Variants in IRAG1 observed in about 807,000 individuals in gnomAD.
IRAG1 encodes IP3R-associated cGMP kinase substrate.
Under a neutral mutation model 106.2 loss-of-function variants are expected in IRAG1, and 62 were observed. The observed-to-expected ratio is 0.58, with a 90% confidence interval of 0.48 to 0.72. The LOEUF is 0.72. Among genes scored for constraint, IRAG1 ranks in the 30% least tolerant of loss-of-function variants. The pLI is 0.00. For synonymous variants in IRAG1, 462 were observed against 443.9 expected (o/e 1.04, Z -0.51); for missense variants, 1,064 against 1,140.7 (o/e 0.93, Z 0.97).
At position 10,623,779 on chromosome 11, in the gene IRAG1, T is replaced by G; in HGVS notation, c.1446A>C (p.Lys482Asn). The G allele has an allele frequency of 1.2e-6, 2 of 1,612,818 alleles. No individual in the cohort carries two copies. Among genetic ancestry groups the G allele is most frequent in the Non-Finnish European group, 1.7e-6 (2 of 1,178,938 alleles). Reference protein sequence around the residue: ...PDLSEAAEQEKGLPSELSPAI... With the variant: ...PDLSEAAEQENGLPSELSPAI... ...AGCATCTGCCCCAACCCCACCTACCTTTTTCCTGCTCAGCTGCTTCACTAA... is the reference window on the plus strand; with the variant it reads ...AGCATCTGCCCCAACCCCACCTACCGTTTTCCTGCTCAGCTGCTTCACTAA... Residue 482 changes from lysine to asparagine, a missense_variant and splice_region_variant, in exon 10 of 21, where the codon AAA becomes AAC. Physicochemically the swap from Lys to Asn is moderately conservative, Grantham distance 94. Coordinates refer to ENST00000423302, the MANE Select transcript of IRAG1 (RefSeq NM_130385.4).
chr11:10,591,736 C>A, intron 17 of IRAG1, 124 bp from the exon 18 acceptor site: 2 of 853,838 alleles, frequency 2.3e-6, no homozygotes, highest in Non-Finnish European at 3.8e-6. Context: ...CATGCCCCCA[C>A]TTTCCAATCT....
intron 18 of IRAG1, among the ~76,000 whole-genome samples, chr11:10,588,012 T>C (rs1852213062): frequency 6.6e-6 from 1 of 152,206 alleles, no homozygotes; most frequent in Non-Finnish European, 1.5e-5. Flanking sequence ...TTAACTGAGA[T>C]TATTAATACA....
In IRAG1 at chr11:10,660,637, C is replaced by T. The variant is rs139437074; in HGVS notation, c.68-8455G>A. Among the ~76,000 whole-genome samples, 303 of 152,304 alleles carry T rather than the reference C, an allele frequency of 2.0e-3. 2 individuals carry two copies. The highest frequency in any genetic ancestry group is 6.9e-3 in the African/African-American group (287 of 41,550). ...AACACAGATGACTTTAGTATCACCC[C>T]AAGATAGCACAGTTATGGAGACTTC... On this transcript the variant is annotated intron_variant, in intron 1 of 20. Transcript: ENST00000423302.
chr11:10,654,204 C>T (rs1858743750), intron 1 of IRAG1, among the ~76,000 whole-genome samples: 1 of 150,732 alleles, frequency 6.6e-6, no homozygotes, highest in South Asian at 2.1e-4. Flanking sequence ...GGAGAAAAGG[C>T]CTGAGCTGCC....
chr11:10,646,156 T>C (rs749519593), intron 2 of IRAG1, among the ~76,000 whole-genome samples: 16 of 152,176 alleles, frequency 1.1e-4, no homozygotes, highest in Non-Finnish European at 2.4e-4. Context: ...CCTCCTCTTC[T>C]TAAAGGACAG....
At position 10,659,355 on chromosome 11, in the gene IRAG1, G is replaced by A. The variant is rs1859218458; in HGVS notation, c.68-7173C>T. On this transcript the variant is annotated intron_variant, in intron 1 of 20. Transcript: ENST00000423302. The surrounding 1 kb of genome is among the most constrained non-coding windows in gnomAD (Gnocchi z 4.1). ...GTGGATCTAGATTGAAGGGAATTGTGCAGGAGCAGGAATGGTGAAGGGCGG... is the reference window on the plus strand; with the variant it reads ...GTGGATCTAGATTGAAGGGAATTGTACAGGAGCAGGAATGGTGAAGGGCGG... Among the ~76,000 whole-genome samples the A allele has an allele frequency of 6.6e-6, 1 of 152,226 alleles. No individual in the cohort carries two copies. The highest frequency in any genetic ancestry group is 6.5e-5 in the Admixed American group (1 of 15,284).
intron 1 of IRAG1, among the ~76,000 whole-genome samples, chr11:10,656,858 A>G (rs990977953): frequency 6.6e-6 from 1 of 152,032 alleles, no homozygotes; most frequent in Non-Finnish European, 1.5e-5. Flanking sequence ...TGTGGCAGAA[A>G]AGACTAGCAC....
At chr11:10,691,750 C>G (rs1862073012) in intron 1 of IRAG1, among the ~76,000 whole-genome samples, 1 of 152,126 alleles carries the variant, frequency 6.6e-6, no homozygotes, top group South Asian at 2.1e-4. Context: ...GCCTCAGATG[C>G]ACCATGTTGC....
intron 18 of IRAG1, among the ~76,000 whole-genome samples, chr11:10,589,648 T>G (rs1378587798): frequency 6.6e-6 from 1 of 152,182 alleles, no homozygotes; most frequent in Admixed American, 6.5e-5. Flanking sequence ...TGAACCCCTC[T>G]TCCTCTAAAG....
intron 1 of IRAG1, chr11:10,658,435 T>C (rs1342148972): frequency 6.5e-6 from 1 of 152,724 alleles, no homozygotes; most frequent in African/African-American, 2.4e-5. Context: ...AAGGTGCTGG[T>C]ACATAGAGTC....
intron 1 of IRAG1, among the ~76,000 whole-genome samples, chr11:10,674,317 C>T (rs1321351660): frequency 1.3e-5 from 2 of 152,186 alleles, no homozygotes; most frequent in Non-Finnish European, 2.9e-5. Context: ...TTGTAGGGAG[C>T]GCCATTCCTC....
At chr11:10,580,206 C>T (rs138608230) in intron 20 of IRAG1, among the ~76,000 whole-genome samples, 37 of 152,322 alleles carry the variant, frequency 2.4e-4, no homozygotes, top group Non-Finnish European at 4.4e-4. Flanking sequence ...TTGCCATCCT[C>T]CCTTCCCATG....
chr11:10,629,475 A>T, intron 5 of IRAG1, 63 bp downstream of exon 5: 2 of 1,547,766 alleles, frequency 1.3e-6, no homozygotes, highest in East Asian at 4.5e-5. Context: ...AGCTGGTGCC[A>T]GGCCCTTCCC....
At chr11:10,622,776 G>T (rs1340038981) in intron 10 of IRAG1, among the ~76,000 whole-genome samples, 1 of 151,838 alleles carries the variant, frequency 6.6e-6, no homozygotes, top group Non-Finnish European at 1.5e-5. Flanking sequence ...TGGGATTACA[G>T]GTTCACCTAG....
At chr11:10,678,007 A>ATCTG (rs1021347419) in intron 1 of IRAG1, among the ~76,000 whole-genome samples, 1 of 130,088 alleles carries the variant, frequency 7.7e-6, no homozygotes, top group African/African-American at 2.6e-5. Context: ...CTATCTCTCT[A>ATCTG]TCTGTCTATC....
chr11:10,577,532 A>G (rs1850949033), intron 20 of IRAG1, among the ~76,000 whole-genome samples: 1 of 152,162 alleles, frequency 6.6e-6, no homozygotes, highest in Admixed American at 6.5e-5. Context: ...AACCCAATTT[A>G]AAAAATAATA....
chr11:10,651,430 T>C (rs565064043), intron 2 of IRAG1, among the ~76,000 whole-genome samples: 3 of 152,192 alleles, frequency 2.0e-5, no homozygotes, highest in African/African-American at 7.2e-5. Flanking sequence ...CACACCAAAA[T>C]CAACATTTTA....
In IRAG1 at chr11:10,629,657, A is replaced by T. The variant is rs1180300519; in HGVS notation, c.455T>A (p.Ile152Asn). 2.5e-6 allele frequency: 4 copies of T among 1,613,822 alleles called. No homozygotes were observed. The highest frequency in any genetic ancestry group is 1.3e-5 in the African/African-American group (1 of 74,926). The stretch of plus-strand genomic sequence containing the variant: ...GTTTTTCTTCTTGTCCTCCTCTGAG[A>T]TGCTGATGTCTGGCAGCTGGTCATT... ...LVNDQLPDIS[I>N]SEEDKKKNLA... The change falls in exon 5 of 21, where the codon ATC becomes AAC. Residue 152 changes from isoleucine (I) to asparagine (N), a missense_variant. Coordinates refer to ENST00000423302, the MANE Select transcript of IRAG1 (RefSeq NM_130385.4).
At chr11:10,590,080 C>G (rs1468290242) in intron 18 of IRAG1, among the ~76,000 whole-genome samples, 1 of 151,962 alleles carries the variant, frequency 6.6e-6, no homozygotes, top group East Asian at 1.9e-4. Flanking sequence ...ATCTGTGCAC[C>G]CAAAGGGAAG....
Sources: allele counts gnomAD v4.1 joint callset (sites outside exome capture counted in the v4.1 genomes callset), GRCh38; gene constraint gnomAD v4.1.1; non-coding constraint Gnocchi (gnomAD v3.1); transcripts MANE v1.5; gene names NCBI Gene and HGNC (gene_info 2026-07-23, HGNC 2026-07-21).